Variants in RYR1 observed in about 807,000 individuals in gnomAD.
RYR1 encodes the protein central core disease of muscle.
Under a neutral mutation model 583.5 loss-of-function variants are expected in RYR1, and 342 were observed. That is an observed-to-expected ratio of 0.59 (90% confidence interval 0.54 to 0.64). The LOEUF (loss-of-function observed/expected upper bound fraction) is 0.64, where lower values mean the gene tolerates loss of function less well. Ranked by LOEUF, RYR1 falls within the 30% of genes least tolerant of loss-of-function variation. RYR1 has a pLI of 0.00. For synonymous variants in RYR1, 2,791 were observed against 2,822.5 expected (o/e 0.99, Z 0.35); for missense variants, 6,032 against 6,917.2 (o/e 0.87, Z 4.54).
intron 103 of RYR1, 35 bp from the exon 104 acceptor site, chr19:38,586,056 T>G: frequency 6.2e-7 from 1 of 1,613,994 alleles, no homozygotes; most frequent in African/African-American, 1.3e-5. Flanking sequence ...GGGGGTCAAG[T>G]GGGCCTCCAC....
At chr19:38,539,888 T>C (rs1035728902) in intron 84 of RYR1, among the ~76,000 whole-genome samples, 1 of 151,976 alleles carries the variant, frequency 6.6e-6, no homozygotes, top group Non-Finnish European at 1.5e-5. Flanking sequence ...TTTTTGCATA[T>C]AGCCCAATTT....
chr19:38,519,553 C>A, intron 67 of RYR1, 99 bp downstream of exon 67: 2 of 1,387,200 alleles, frequency 1.4e-6, no homozygotes, highest in Non-Finnish European at 2.0e-6. Context: ...AAACTTCTTC[C>A]AATGCTCTGG....
At position 38,524,034 on chromosome 19, in the gene RYR1, C is replaced by G. The variant is rs1971350214; in HGVS notation, c.10455+105C>G. ...AGAAAACCCCTGCTTCTGTTCCCCA[C>G]CCCCGTCCTCCCCTCCCAGCCCCCA... On this transcript the variant is annotated intron_variant, in intron 70 of 105. Coordinates refer to ENST00000359596, the MANE Select transcript of RYR1 (RefSeq NM_000540.3). The G allele has an allele frequency of 4.0e-6, 5 of 1,262,336 alleles. No individual in the cohort carries two copies. In the Admixed American group the frequency reaches 9.9e-5, roughly 25 times the overall value. The allele number at this position is 1,262,336 out of a possible 1,614,324, so 78.2% of individuals were successfully genotyped here. A position where few individuals can be genotyped will look rare whatever the true frequency, so the allele number is the denominator to read the frequency against.
chr19:38,558,282 GCC>G (rs1972967246), intron 89 of RYR1, among the ~76,000 whole-genome samples: 1 of 152,140 alleles, frequency 6.6e-6, no homozygotes, highest in Non-Finnish European at 1.5e-5. Flanking sequence ...TTACACTCCA[GCC>G]TAGGTAGTAG....
intron 70 of RYR1, among the ~76,000 whole-genome samples, 187 bp downstream of exon 70, chr19:38,524,116 C>A (rs1379488116): frequency 7.0e-6 from 1 of 142,766 alleles, no homozygotes; most frequent in Non-Finnish European, 1.5e-5. Flanking sequence ...CCCATCCCAA[C>A]CCTCAGCTTT....
rs893847668 is a variant in RYR1 at position 38,578,270 on chromosome 19, G to A, written c.14364+66G>A. 22 of 1,538,148 alleles carry A rather than the reference G, an allele frequency of 1.4e-5. No individual in the cohort carries two copies. In the South Asian group the frequency reaches 1.5e-4, roughly 11 times the overall value. On this transcript the variant is annotated intron_variant, in intron 99 of 105. Coordinates refer to ENST00000359596, the MANE Select transcript of RYR1 (RefSeq NM_000540.3). The stretch of plus-strand genomic sequence containing the variant: ...GTGGGGCGTTAGGAGGGTTCCCAAC[G>A]TCGGGTGTTCCTGACCAAAGAATGA...
chr19:38,499,608 A>T lies in RYR1; in HGVS notation c.7028-27A>T, dbSNP rs748300304. ...GAGGTCTCTGATGGTGGCTCATGAG[A>T]CCCCCTTTCCCCATGCGGGTGGCCA... On this transcript the variant is annotated intron_variant, in intron 43 of 105. Transcript: ENST00000359596. The surrounding 1 kb of genome is among the most constrained non-coding windows in gnomAD (Gnocchi z 7.3). The T allele has an allele frequency of 6.3e-7, 1 of 1,595,680 alleles. No individual in the cohort carries two copies. Among genetic ancestry groups the T allele is most frequent in the Admixed American group, 1.7e-5 (1 of 59,922 alleles).
At chr19:38,504,611 G>T (rs1970355299) in intron 50 of RYR1, 137 bp from the exon 51 acceptor site, 1 of 1,261,390 alleles carries the variant, frequency 7.9e-7, no homozygotes. Context: ...TGACATTTGG[G>T]TTTCAAGGAG....
rs768066927 is a variant in RYR1 at position 38,528,276 on chromosome 19, G to A, written c.10825-30G>A. ...GGGAGTGAGAGGGGCAGGGTCTGGG[G>A]ATGTGACTGTCCTGCTATCCCCTCC... On this transcript the variant is annotated intron_variant, in intron 73 of 105. Coordinates refer to ENST00000359596, the MANE Select transcript of RYR1 (RefSeq NM_000540.3). The A allele has an allele frequency of 1.9e-6, 3 of 1,584,934 alleles. No individual in the cohort carries two copies. In the South Asian group the frequency reaches 3.3e-5, roughly 18 times the overall value.
intron 58 of RYR1, 117 bp from the exon 59 acceptor site, chr19:38,510,381 A>G: frequency 1.0e-6 from 1 of 983,546 alleles, no homozygotes; most frequent in Non-Finnish European, 1.6e-6. Flanking sequence ...AAATGACTTC[A>G]TACCAATACT....
At chr19:38,553,793 A>C (rs903427084) in intron 89 of RYR1, among the ~76,000 whole-genome samples, 1 of 152,236 alleles carries the variant, frequency 6.6e-6, no homozygotes, top group Non-Finnish European at 1.5e-5. Context: ...TCATTTTTTA[A>C]ATGAAAATAC....
chr19:38,507,586 C>A, intron 57 of RYR1, 126 bp from the exon 58 acceptor site: 1 of 728,604 alleles, frequency 1.4e-6, no homozygotes, highest in South Asian at 1.4e-5. Flanking sequence ...CAGAGTGGAG[C>A]CCCAACCTGG....
At position 38,448,377 on chromosome 19, in the gene RYR1, T is replaced by C; in HGVS notation, c.823T>C (p.Trp275Arg). ...RISWSGSHLR[W>R]GQPLRVRHVT... is the part of the protein sequence containing the mutation. ...CAGCTGGAGTGGGAGCCACCTGCGC[T>C]GGGGCCAGCCACTCCGAGTCCGGCA... Residue 275 changes from tryptophan (W) to arginine (R), a missense_variant, in exon 10 of 106, where the codon TGG (tryptophan) becomes CGG (arginine). Trp to Arg is a moderately radical substitution (Grantham distance 101). Transcript: ENST00000359596. The C allele has an allele frequency of 6.2e-7, 1 of 1,610,446 alleles. No individual in the cohort carries two copies. The highest frequency in any genetic ancestry group is 8.5e-7 in the Non-Finnish European group (1 of 1,179,946).
chr19:38,493,896 C>T (rs959491566), intron 38 of RYR1, among the ~76,000 whole-genome samples: 2 of 152,096 alleles, frequency 1.3e-5, no homozygotes, highest in Non-Finnish European at 2.9e-5. Flanking sequence ...TGCTTCTGGT[C>T]GGCTCTGGTA....
At position 38,499,687 on chromosome 19, in the gene RYR1, G is replaced by A. The variant is rs1324883196; in HGVS notation, c.7080G>A (p.Lys2360=). 6.2e-7 allele frequency: 1 copy of A among 1,600,504 alleles called. No individual in the cohort carries two copies. The highest frequency in any genetic ancestry group is 8.5e-7 in the Non-Finnish European group (1 of 1,179,888). Residue 2360 remains lysine (K), a synonymous_variant, in exon 44 of 106, where the codon AAG becomes AAA. Coordinates refer to ENST00000359596, the MANE Select transcript of RYR1 (RefSeq NM_000540.3). The surrounding 1 kb of genome is among the most constrained non-coding windows in gnomAD (Gnocchi z 7.3). Reference sequence around the variant, plus strand: ...TGGTGGTGCGGCTGCTCATCCGGAAGCCTGAGTGCTTCGGACCCGCCCTGC... The same window carrying A: ...TGGTGGTGCGGCTGCTCATCCGGAAACCTGAGTGCTTCGGACCCGCCCTGC... The part of the protein sequence containing the change: ...ANVVVRLLIR[K]PECFGPALRG...
Position 38,586,137 on chromosome 19 carries a change from C to T in RYR1, c.14915C>T (p.Thr4972Ile), listed in dbSNP as rs199866740. 2.7e-5 allele frequency: 44 copies of T among 1,614,014 alleles called. No individual in the cohort carries two copies. The highest frequency in any genetic ancestry group is 1.5e-4 in the Admixed American group (9 of 59,974). The change falls in exon 104 of 106, where the codon ACA (threonine) becomes ATA (isoleucine). Residue 4972 changes from threonine to isoleucine, a missense_variant. Physicochemically the swap from Thr to Ile is moderately conservative, Grantham distance 89. Coordinates refer to ENST00000359596, the MANE Select transcript of RYR1 (RefSeq NM_000540.3). ...CGIGSDYFDT[T>I]PHGFETHTLE... Reference sequence around the variant, plus strand: ...ATCGGCAGTGACTACTTTGATACGACACCGCATGGCTTCGAGACTCACACG... The same window carrying T: ...ATCGGCAGTGACTACTTTGATACGATACCGCATGGCTTCGAGACTCACACG...
At position 38,485,549 on chromosome 19, in the gene RYR1, CTCAT is replaced by C. The variant is rs1568483856; in HGVS notation, c.4935-36_4935-33del. On this transcript the variant is annotated intron_variant, in intron 33 of 105. Coordinates refer to ENST00000359596, the MANE Select transcript of RYR1 (RefSeq NM_000540.3). ...ATGGTGGCTTGACTGATGCAGGAGGCTCATTCATCTGTCCCTGTCTGTTTCCCAC... is the reference window on the plus strand; with the variant it reads ...ATGGTGGCTTGACTGATGCAGGAGGCTCATCTGTCCCTGTCTGTTTCCCAC... 3.7e-6 allele frequency: 6 copies of C among 1,603,654 alleles called. No homozygotes were observed. In the South Asian group the frequency reaches 6.6e-5, roughly 18 times the overall value.
intron 49 of RYR1, 123 bp from the exon 50 acceptor site, chr19:38,504,097 C>A: frequency 1.9e-6 from 2 of 1,079,078 alleles, no homozygotes; most frequent in Non-Finnish European, 2.7e-6. Context: ...ATATCATTTG[C>A]ATAACCCACA....
At chr19:38,468,926 G>A in intron 25 of RYR1, 40 bp from the exon 26 acceptor site, 1 of 1,607,728 alleles carries the variant, frequency 6.2e-7, no homozygotes. Flanking sequence ...ATTTCTCTGT[G>A]TGTCTCCCCA....
Sources: gnomAD v4.1 joint callset for allele counts (sites outside exome capture counted in the v4.1 genomes callset) on GRCh38, gnomAD v4.1.1 for gene constraint, Gnocchi (gnomAD v3.1) non-coding constraint, MANE v1.5 for transcripts, NCBI Gene and HGNC (gene_info 2026-07-23, HGNC 2026-07-21) for gene names.